The following SLC19A1 variants were observed in gnomAD, a reference collection of about 807,000 sequenced individuals.
SLC19A1 encodes the protein solute carrier family 19 member 1, also known as reduced folate transporter.
A neutral mutation model predicts 35.3 loss-of-function variants in SLC19A1; 37 were observed. That is an observed-to-expected ratio of 1.05 (90% CI 0.81 to 1.38). SLC19A1 has a LOEUF of 1.38. SLC19A1 is among the 40% of genes most tolerant of loss of function. The pLI is 0.00. For missense variants in SLC19A1, 831 were observed against 826.9 expected (o/e 1.00, Z -0.06); for synonymous variants, 460 against 398.5 (o/e 1.15, Z -1.84).
In SLC19A1 at chr21:45,555,160, C is replaced by CG. The variant is rs1555888675; in HGVS notation, c.-50+7581dup. On this transcript the variant is annotated intron_variant, in intron 1 of 5. Coordinates refer to the SLC19A1 transcript ENST00000650808. Reference sequence around the variant, plus strand: ...ACGCAGGGGGCGGTGCAGGGGGCGGCGGGGGCGGCGCAGGGGGCGGTGCAG... The same window carrying CG: ...ACGCAGGGGGCGGTGCAGGGGGCGGCGGGGGGCGGCGCAGGGGGCGGTGCAG... Among the ~76,000 whole-genome samples the CG allele has an allele frequency of 7.2e-4, 30 of 41,814 alleles. 1 individual carries two copies. Among genetic ancestry groups the CG allele is most frequent in the East Asian group, 1.6e-3 (2 of 1,238 alleles). The allele number at this position is 41,814 out of a possible 152,430, so 27.4% of individuals were successfully genotyped here.
chr21:45,557,776 C>T (rs2078578016), intron 1 of SLC19A1, among the ~76,000 whole-genome samples: 1 of 152,218 alleles, frequency 6.6e-6, no homozygotes, highest in Admixed American at 6.5e-5. Flanking sequence ...CTTGTCCCGG[C>T]TCAGGCTGAG....
rs2146083176 is a variant in SLC19A1, at chr21:45,505,392, G to GC, written c.498-6781dup. ...TTCCCGGCCCTCCGGGCCCCCCTGG[G>GC]CCCCCTGGGCCCCCTGGAACCATGG... On this transcript the variant is annotated intron_variant, in intron 3 of 4. Transcript: ENST00000417954. 1.3e-6 allele frequency: 2 copies of GC among 1,576,642 alleles called. No individual in the cohort carries two copies. The highest frequency in any genetic ancestry group is 8.7e-7 in the Non-Finnish European group (1 of 1,153,282).
At chr21:45,532,557 C>T (rs1183000455) in intron 2 of SLC19A1, among the ~76,000 whole-genome samples, 1 of 152,166 alleles carries the variant, frequency 6.6e-6, no homozygotes, top group Non-Finnish European at 1.5e-5. Context: ...CCTCAGCCTC[C>T]CGAGTAGCTG....
Position 45,537,786 on chromosome 21 carries a change from G to C in SLC19A1, c.174C>G (p.Asn58Lys), listed in dbSNP as rs1302043538. ...ITPYLLGPDKNFTREQVTNEI... is the reference protein window; with the variant it reads ...ITPYLLGPDKKFTREQVTNEI... ...ACCCACATGCCTGCTCCCGCGTGAA[G>C]TTCTTGTCGGGCCCCAGGAGGTAGG... Residue 58 changes from asparagine (N) to lysine (K), a missense_variant, in exon 2 of 6, where the codon AAC (asparagine) becomes AAG (lysine). By Grantham distance (94) the Asn-to-Lys change is moderately conservative (BLOSUM62 0). Coordinates refer to ENST00000311124, the MANE Select transcript of SLC19A1 (RefSeq NM_194255.4). The C allele has an allele frequency of 7.2e-7, 1 of 1,381,606 alleles. No homozygotes were observed. The highest frequency in any genetic ancestry group is 3.4e-5 in the East Asian group (1 of 29,020). 85.6% of individuals were successfully genotyped at this position (1,381,606 alleles called of 1,614,324 possible).
At chr21:45,561,128 G>T (rs374489427) in intron 1 of SLC19A1, among the ~76,000 whole-genome samples, 1 of 152,326 alleles carries the variant, frequency 6.6e-6, no homozygotes. Flanking sequence ...AAATGTCACC[G>T]AGTCTTGTTG....
chr21:45,516,861 G>A (rs992575039), intron 5 of SLC19A1, among the ~76,000 whole-genome samples: 13 of 152,300 alleles, frequency 8.5e-5, no homozygotes, highest in East Asian at 7.7e-4. Flanking sequence ...CTCCACATCC[G>A]CAGGCCAGAA....
intron 1 of SLC19A1, among the ~76,000 whole-genome samples, chr21:45,552,746 C>T (rs1054091065): frequency 7.2e-5 from 11 of 152,082 alleles, no homozygotes; most frequent in African/African-American, 1.4e-4. Context: ...ACCCCTAATG[C>T]GGAGCCTGCA....
Position 45,534,566 on chromosome 21 carries a change from C to A in SLC19A1, c.190-2418G>T, listed in dbSNP as rs1313270086. 6 of 1,535,750 alleles carry A rather than the reference C, an allele frequency of 3.9e-6. No homozygotes were observed. The South Asian group carries it at 7.1e-5, about 18-fold the overall frequency. ...CGAATGAATGGAGCATGCCTCATTT[C>A]CTCTTCCACCAGGAGCTGGCTCTGC... is the stretch of plus-strand genomic sequence containing the variant. On this transcript the variant is annotated intron_variant, in intron 2 of 5. Transcript: ENST00000311124. The surrounding 1 kb of genome is among the most constrained non-coding windows in gnomAD (Gnocchi z 4.2).
At chr21:45,508,198 G>A (rs537306578), downstream of SLC19A1, among the ~76,000 whole-genome samples, 24 of 150,216 alleles carry the variant, frequency 1.6e-4, no homozygotes, top group Middle Eastern at 3.5e-3. Context: ...TGGTGGACAG[G>A]TGGGTGAGTG....
In SLC19A1 at chr21:45,518,646, T is replaced by G. The variant is rs367675261; in HGVS notation, c.1294-2506A>C. Among the ~76,000 whole-genome samples the G allele has an allele frequency of 1.6e-4, 25 of 152,184 alleles. No individual in the cohort carries two copies. In the East Asian group the frequency reaches 2.5e-3, roughly 15 times the overall value. On this transcript the variant is annotated intron_variant, in intron 5 of 5. Coordinates refer to ENST00000311124, the MANE Select transcript of SLC19A1 (RefSeq NM_194255.4). ...AAATGACACTTTACGGGCAAGCAAT[T>G]TGAATAACAGTAATTGCTCATCAAA...
chr21:45,534,862 G>A lies in SLC19A1; in HGVS notation c.190-2714C>T, dbSNP rs551695722. On this transcript the variant is annotated intron_variant, in intron 2 of 5. Transcript: ENST00000311124. This position sits in a 1 kb window ranked among gnomAD's most constrained non-coding sequence, Gnocchi z 4.2. ...TGTCAGGCGGCCACGACTCTGACAC[G>A]AGGACAGCCTCCTGCTGCCTGAGCC... is the stretch of plus-strand genomic sequence containing the variant. Among the ~76,000 whole-genome samples, 9 of 152,386 alleles carry A rather than the reference G, an allele frequency of 5.9e-5. No homozygotes were observed. The highest frequency in any genetic ancestry group is 2.1e-4 in the South Asian group (1 of 4,834).
chr21:45,515,825 G>T lies in SLC19A1; in HGVS notation c.1609C>A (p.Leu537Met), dbSNP rs1389468974. 6.2e-7 allele frequency: 1 copy of T among 1,608,036 alleles called. No individual in the cohort carries two copies. The highest frequency in any genetic ancestry group is 2.2e-5 in the East Asian group (1 of 44,724). Residue 537 changes from leucine to methionine, a missense_variant, in exon 6 of 6, where the codon CTG becomes ATG. Physicochemically the swap from Leu to Met is conservative, Grantham distance 15. Coordinates refer to ENST00000311124, the MANE Select transcript of SLC19A1 (RefSeq NM_194255.4). ...GGGGAAGGGGTTGTCACTGGGCTCA[G>T]GAATTCAGCTGCCTGCGGGGCCGGG... ...QAPAPQAAEF[L>M]SPVTTPSPCT...
At chr21:45,518,702 C>T (rs2038087346) in intron 5 of SLC19A1, among the ~76,000 whole-genome samples, 2 of 152,018 alleles carry the variant, frequency 1.3e-5, no homozygotes, top group African/African-American at 2.4e-5. Flanking sequence ...AGGGGCACCA[C>T]ATTTCTCACA....
chr21:45,559,771 C>T (rs1438088998), intron 1 of SLC19A1, among the ~76,000 whole-genome samples: 1 of 152,234 alleles, frequency 6.6e-6, no homozygotes, highest in Non-Finnish European at 1.5e-5. Flanking sequence ...AAATGCGCAT[C>T]ATTCCCTCAC....
At position 45,542,432 on chromosome 21, in the gene SLC19A1, G is replaced by C. The variant is rs1019725750; in HGVS notation, c.-114C>G. On this transcript the variant is annotated 5_prime_UTR_variant, in exon 1 of 6. Coordinates refer to ENST00000311124, the MANE Select transcript of SLC19A1 (RefSeq NM_194255.4). ...CCGGCCCCGCGCACGCGGACTCCGG[G>C]ACTACAGCGCCCACAAGGCGGCGCG... 1 of 151,340 alleles carries C rather than the reference G, an allele frequency of 6.6e-6. No individual in the cohort carries two copies. The highest frequency in any genetic ancestry group is 6.6e-5 in the Admixed American group (1 of 15,206). The allele number at this position is 151,340 out of a possible 1,614,324, so 9.4% of individuals were successfully genotyped here.
In SLC19A1 at chr21:45,505,191, C is replaced by T. The variant is rs1568942148; in HGVS notation, c.498-6579G>A. 6.2e-7 allele frequency: 1 copy of T among 1,605,270 alleles called. No individual in the cohort carries two copies. The highest frequency in any genetic ancestry group is 8.5e-7 in the Non-Finnish European group (1 of 1,177,000). On this transcript the variant is annotated intron_variant, in intron 3 of 4. Coordinates refer to the SLC19A1 transcript ENST00000417954. ...CGGCCCACCTGGACCTCAGGGACCCCCCGGCATCGGCTACGAGGGGCGCCA... is the reference window on the plus strand; with the variant it reads ...CGGCCCACCTGGACCTCAGGGACCCTCCGGCATCGGCTACGAGGGGCGCCA...
At chr21:45,557,919 C>T (rs999826746) in intron 1 of SLC19A1, among the ~76,000 whole-genome samples, 1 of 152,238 alleles carries the variant, frequency 6.6e-6, no homozygotes, top group Admixed American at 6.5e-5. Flanking sequence ...TAGTGTGATG[C>T]TCACCTTTGC....
chr21:45,559,811 C>T (rs1201963235), intron 1 of SLC19A1, among the ~76,000 whole-genome samples: 1 of 152,198 alleles, frequency 6.6e-6, no homozygotes, highest in East Asian at 1.9e-4. Flanking sequence ...AATTGCTAGA[C>T]ATGGAGTTTG....
intron 3 of SLC19A1, chr21:45,502,659 C>G (rs998929570): frequency 6.6e-6 from 1 of 152,174 alleles, no homozygotes; most frequent in Non-Finnish European, 1.5e-5. Flanking sequence ...CAGCAACAAG[C>G]AGGGATTTCA....
Sources: allele counts gnomAD v4.1 joint callset (sites outside exome capture counted in the v4.1 genomes callset), GRCh38; gene constraint gnomAD v4.1.1; non-coding constraint Gnocchi (gnomAD v3.1); transcripts MANE v1.5; gene names NCBI Gene and HGNC (gene_info 2026-07-23, HGNC 2026-07-21).